The following NCAM1 variants were observed in gnomAD, a reference collection of about 807,000 sequenced individuals.
The protein encoded by NCAM1 is neural cell adhesion molecule 1, also known as antigen recognized by monoclonal antibody 5.1H11.
In NCAM1, 14 loss-of-function variants were observed where a neutral mutation model predicts 109.8. The observed-to-expected ratio is 0.13, with a 90% CI of 0.08 to 0.20. NCAM1 has a LOEUF of 0.20. Ranked by LOEUF, NCAM1 falls within the 10% of genes least tolerant of loss-of-function variation. The pLI is 1.00. For missense variants in NCAM1, 774 were observed against 1,109.9 expected (o/e 0.70, Z 4.30); for synonymous variants, 418 against 442.9 (o/e 0.94, Z 0.70).
chr11:113,200,776 C>T (rs2850302), intron 1 of NCAM1, among the ~76,000 whole-genome samples: 53,876 of 151,892 alleles, frequency 0.35, 10,134 homozygotes, highest in African/African-American at 0.47. Context: ...GCAGTGACCC[C>T]GCGGCATAGT....
intron 1 of NCAM1, among the ~76,000 whole-genome samples, chr11:113,033,020 A>AC (rs782198502): frequency 9.9e-5 from 15 of 152,148 alleles, no homozygotes; most frequent in Middle Eastern, 3.2e-3. Flanking sequence ...CATGGCTTTT[A>AC]CTCTTACTTT....
At chr11:113,029,445 A>G (rs1952651118) in intron 1 of NCAM1, among the ~76,000 whole-genome samples, 4 of 152,230 alleles carry the variant, frequency 2.6e-5, no homozygotes, top group Admixed American at 2.6e-4. Context: ...TAATGAATCA[A>G]ACAAGTGTAT....
At chr11:113,062,446 C>T (rs1937713009) in intron 1 of NCAM1, among the ~76,000 whole-genome samples, 1 of 152,142 alleles carries the variant, frequency 6.6e-6, no homozygotes, top group Non-Finnish European at 1.5e-5. Context: ...GCTGGATCTA[C>T]AGAGAAAAAC....
rs150146638 is a variant in NCAM1, at chr11:113,127,348, C to T, written c.53-75031C>T. Among the ~76,000 whole-genome samples the T allele has an allele frequency of 6.6e-5, 10 of 152,334 alleles. No individual in the cohort carries two copies. The East Asian group carries it at 1.9e-3, about 29-fold the overall frequency. The stretch of plus-strand genomic sequence containing the variant: ...TGCAAAACCTCCGTGTCCACTCCTG[C>T]CTGCCATAGGGAGCTAGAAGACTGT... On this transcript the variant is annotated intron_variant, in intron 1 of 19. Transcript: ENST00000316851.
intron 14 of NCAM1, among the ~76,000 whole-genome samples, chr11:113,239,883 A>G (rs1555118878): frequency 6.6e-6 from 1 of 152,154 alleles, no homozygotes; most frequent in Non-Finnish European, 1.5e-5. Flanking sequence ...TTAGATATTA[A>G]GGCAGTGGCG....
intron 1 of NCAM1, among the ~76,000 whole-genome samples, chr11:113,056,064 C>T (rs1259260968): frequency 2.3e-5 from 3 of 130,488 alleles, no homozygotes; most frequent in African/African-American, 8.6e-5. Context: ...CAATGAAATA[C>T]TATTCATCTA....
chr11:113,091,795 C>G (rs1939355679), intron 1 of NCAM1, among the ~76,000 whole-genome samples: 1 of 152,146 alleles, frequency 6.6e-6, no homozygotes, highest in Non-Finnish European at 1.5e-5. Flanking sequence ...GGTGGCTTGC[C>G]TAATAGTCGT....
intron 1 of NCAM1, among the ~76,000 whole-genome samples, chr11:113,115,524 A>G (rs1197224162): frequency 6.6e-6 from 1 of 152,234 alleles, no homozygotes; most frequent in Non-Finnish European, 1.5e-5. Context: ...CAAGGGTGCC[A>G]GCAGTGTCTT....
intron 1 of NCAM1, among the ~76,000 whole-genome samples, chr11:113,049,929 C>A (rs902345895): frequency 1.3e-5 from 2 of 152,140 alleles, no homozygotes; most frequent in African/African-American, 4.8e-5. Flanking sequence ...ACAAGTCCAC[C>A]ATTCTAATGG....
intron 1 of NCAM1, among the ~76,000 whole-genome samples, chr11:113,011,470 A>G (rs1041567373): frequency 1.3e-5 from 2 of 148,982 alleles, no homozygotes; most frequent in East Asian, 4.0e-4. Context: ...TCCTTTGGGT[A>G]TATACCCAGT....
At position 113,243,208 on chromosome 11, in the gene NCAM1, C is replaced by T. The variant is rs184076110; in HGVS notation, c.1826-3160C>T. Among the ~76,000 whole-genome samples, 690 of 152,338 alleles carry T rather than the reference C, an allele frequency of 4.5e-3. 3 individuals carry two copies. The highest frequency in any genetic ancestry group is 0.01 in the South Asian group (49 of 4,830). Reference sequence around the variant, plus strand: ...TGTCCCTCCTTCTGAAATACACACGCTCATGCGCGTGTTAATTTAGCAGTA... The same window carrying T: ...TGTCCCTCCTTCTGAAATACACACGTTCATGCGCGTGTTAATTTAGCAGTA... On this transcript the variant is annotated intron_variant, in intron 14 of 19. Coordinates refer to ENST00000316851, the MANE Select transcript of NCAM1 (RefSeq NM_181351.5).
chr11:113,162,807 C>T (rs987381157), intron 1 of NCAM1, among the ~76,000 whole-genome samples: 2 of 152,138 alleles, frequency 1.3e-5, no homozygotes, highest in East Asian at 3.9e-4. Flanking sequence ...GCAGTGGAGA[C>T]GCGATCTCAT....
At chr11:113,257,171 C>T (rs1945854988) in intron 16 of NCAM1, among the ~76,000 whole-genome samples, 2 of 152,226 alleles carry the variant, frequency 1.3e-5, no homozygotes, top group African/African-American at 4.8e-5. Context: ...ATGGCTTCCT[C>T]ACTGCCAAGT....
chr11:113,160,733 G>A (rs1555104212), intron 1 of NCAM1, among the ~76,000 whole-genome samples: 1 of 152,150 alleles, frequency 6.6e-6, no homozygotes, highest in African/African-American at 2.4e-5. Context: ...GCAGATGGCT[G>A]TACCGGTTCC....
rs1555117600 is a variant in NCAM1 at position 113,233,056 on chromosome 11, A to G, written c.1523-91A>G. 7.6e-7 allele frequency: 1 copy of G among 1,314,352 alleles called. No homozygotes were observed. The highest frequency in any genetic ancestry group is 2.1e-5 in the Admixed American group (1 of 47,788). The allele number at this position is 1,314,352 out of a possible 1,614,324, so 81.4% of individuals were successfully genotyped here. ...AGTGACAGGATTCCCAAGAGTGAGCAGAAATGACAGAGATGTGCCTTGTGA... is the reference window on the plus strand; with the variant it reads ...AGTGACAGGATTCCCAAGAGTGAGCGGAAATGACAGAGATGTGCCTTGTGA... On this transcript the variant is annotated intron_variant, in intron 12 of 19. Transcript: ENST00000316851. This position sits in a 1 kb window ranked among gnomAD's most constrained non-coding sequence, Gnocchi z 4.5.
Position 113,224,514 on chromosome 11 carries a change from A to C in NCAM1, c.1089+3189A>C, listed in dbSNP as rs1263642798. Among the ~76,000 whole-genome samples the C allele has an allele frequency of 2.6e-5, 4 of 152,382 alleles. No individual in the cohort carries two copies. The East Asian group carries it at 7.7e-4, about 29-fold the overall frequency. ...TAGACTCCACCTCTGGCAGCAGGGC[A>C]TAGCCAAACAAAAGGCAGCAGAAAC... On this transcript the variant is annotated intron_variant, in intron 9 of 19. Transcript: ENST00000316851.
Position 112,961,651 on chromosome 11 carries a change from C to A in NCAM1, c.39C>A (p.Phe13Leu). ...AGGATCTCATCTGGACTTTGTTTTT[C>A]CTGGGAACTGCAGGTACATTTTTTT... is the stretch of plus-strand genomic sequence containing the variant. ...QTKDLIWTLF[F>L]LGTAVSLQVD... Residue 13 changes from phenylalanine (F) to leucine (L), a missense_variant, in exon 1 of 20, where the codon TTC (phenylalanine) becomes TTA (leucine). Coordinates refer to ENST00000316851, the MANE Select transcript of NCAM1 (RefSeq NM_181351.5). 6.7e-7 allele frequency: 1 copy of A among 1,487,690 alleles called. No individual in the cohort carries two copies. The highest frequency in any genetic ancestry group is 9.3e-7 in the Non-Finnish European group (1 of 1,072,448). The allele number at this position is 1,487,690 out of a possible 1,614,324, so 92.2% of individuals were successfully genotyped here. A position where few individuals can be genotyped will look rare whatever the true frequency, so the allele number is the denominator to read the frequency against.
rs542444990 is a variant in NCAM1 at position 113,193,046 on chromosome 11, G to A, written c.53-9333G>A. On this transcript the variant is annotated intron_variant, in intron 1 of 19. Coordinates refer to ENST00000316851, the MANE Select transcript of NCAM1 (RefSeq NM_181351.5). ...CCTGTTGTGTTCTATATAAGACTGG[G>A]CTGATGTCCACTTGAAAAGGATTTC... 1.4e-4 allele frequency among the ~76,000 whole-genome samples: 22 copies of A among 152,298 alleles called. No individual in the cohort carries two copies. The South Asian group carries it at 2.3e-3, about 16-fold the overall frequency.
At chr11:113,112,591 A>G (rs1251869433) in intron 1 of NCAM1, among the ~76,000 whole-genome samples, 1 of 152,134 alleles carries the variant, frequency 6.6e-6, no homozygotes, top group Non-Finnish European at 1.5e-5. Flanking sequence ...TCCTATAATG[A>G]AAAATAAGAA....
Sources: gnomAD v4.1 joint callset for allele counts (sites outside exome capture counted in the v4.1 genomes callset) on GRCh38, gnomAD v4.1.1 for gene constraint, Gnocchi (gnomAD v3.1) non-coding constraint, MANE v1.5 for transcripts, NCBI Gene and HGNC (gene_info 2026-07-23, HGNC 2026-07-21) for gene names.